RAP1A: variants seen among roughly 807,000 people sequenced by gnomAD.
RAP1A encodes ras-related protein Rap-1A.
RAP1A carries 6 observed loss-of-function variants against 26.4 expected under a neutral mutation model. The ratio of observed to expected loss-of-function variants is 0.23; its 90% confidence interval spans 0.12 to 0.45. The LOEUF is 0.45. Among genes scored for constraint, RAP1A ranks in the 20% least tolerant of loss-of-function variants. The pLI is 0.99. For missense variants in RAP1A, 121 were observed against 217.2 expected (o/e 0.56, Z 2.78); for synonymous variants, 73 against 79.4 (o/e 0.92, Z 0.43).
chr1:111,609,114 G>C (rs1263494846), intron 1 of RAP1A, among the ~76,000 whole-genome samples: 1 of 152,236 alleles, frequency 6.6e-6, no homozygotes, highest in African/African-American at 2.4e-5. Flanking sequence ...ACAGCTCAGA[G>C]GATGAACAGA....
In RAP1A at chr1:111,713,939, C is replaced by CT. The variant is rs935724504; in HGVS notation, c.*1539dup. The CT allele has an allele frequency of 3.3e-5, 5 of 152,130 alleles. No homozygotes were observed. The highest frequency in any genetic ancestry group is 7.2e-5 in the African/African-American group (3 of 41,434). 9.4% of individuals were successfully genotyped at this position (152,130 alleles called of 1,614,324 possible). A position where few individuals can be genotyped will look rare whatever the true frequency, so the allele number is the denominator to read the frequency against. ...AGGAGACAGACCAGTCCTAGAAAGT[C>CT]TAAGTCATTGCTCAGGGATCTCTAG... On this transcript the variant is annotated 3_prime_UTR_variant, in exon 8 of 8. Coordinates refer to ENST00000369709, the MANE Select transcript of RAP1A (RefSeq NM_002884.4).
At chr1:111,646,702 G>A (rs1377319213) in intron 1 of RAP1A, among the ~76,000 whole-genome samples, 2 of 151,894 alleles carry the variant, frequency 1.3e-5, no homozygotes, top group African/African-American at 2.4e-5. Flanking sequence ...CACCACACCC[G>A]GCTAATTTTT....
At chr1:111,697,353 A>G in intron 3 of RAP1A, 88 bp from the exon 4 acceptor site, 6 of 1,597,838 alleles carry the variant, frequency 3.8e-6, no homozygotes, top group Non-Finnish European at 4.3e-6. Flanking sequence ...GTATTTGTTA[A>G]TAGTTACTTT....
At chr1:111,687,734 C>T (rs571963369) in intron 1 of RAP1A, among the ~76,000 whole-genome samples, 1 of 152,076 alleles carries the variant, frequency 6.6e-6, no homozygotes, top group South Asian at 2.1e-4. Context: ...ACTTTTGTGG[C>T]TGGGTGTGCT....
intron 1 of RAP1A, among the ~76,000 whole-genome samples, chr1:111,638,869 T>C (rs1659805386): frequency 9.4e-6 from 1 of 106,416 alleles, no homozygotes; most frequent in Non-Finnish European, 2.2e-5. Context: ...GTTTTTATCT[T>C]TTTTTTTTTT....
chr1:111,628,637 T>A (rs1158693722), intron 1 of RAP1A, among the ~76,000 whole-genome samples: 1 of 152,114 alleles, frequency 6.6e-6, no homozygotes, highest in East Asian at 1.9e-4. Context: ...AGACAGGGAA[T>A]CTGGATTAAT....
intron 1 of RAP1A, among the ~76,000 whole-genome samples, chr1:111,573,490 A>G (rs746405588): frequency 4.6e-5 from 7 of 152,140 alleles, no homozygotes; most frequent in Non-Finnish European, 8.8e-5. Context: ...ATGCGCCACA[A>G]TGCCTGGCTA....
intron 1 of RAP1A, among the ~76,000 whole-genome samples, chr1:111,555,821 A>G (rs1419499450): frequency 6.6e-6 from 1 of 152,190 alleles, no homozygotes; most frequent in Non-Finnish European, 1.5e-5. Flanking sequence ...AGAAGAAAAC[A>G]TAAGGGGACA....
At chr1:111,649,361 G>A in intron 1 of RAP1A, 1 of 382,508 alleles carries the variant, frequency 2.6e-6, no homozygotes, top group Non-Finnish European at 5.1e-6. Context: ...ATTCCTGCCA[G>A]CCCCTCGGCC....
intron 4 of RAP1A, among the ~76,000 whole-genome samples, chr1:111,699,693 C>G (rs1197235844): frequency 6.6e-6 from 1 of 151,442 alleles, no homozygotes; most frequent in East Asian, 1.9e-4. Flanking sequence ...TGGTCTTGAA[C>G]TGGACTCAAG....
chr1:111,547,486 A>ACTAT (rs1657076860), intron 1 of RAP1A, among the ~76,000 whole-genome samples: 1 of 152,188 alleles, frequency 6.6e-6, no homozygotes, highest in Non-Finnish European at 1.5e-5. Context: ...ATGGAGTTAA[A>ACTAT]AAATATAAAA....
intron 1 of RAP1A, among the ~76,000 whole-genome samples, chr1:111,633,816 G>A (rs1199518871): frequency 6.6e-6 from 1 of 152,218 alleles, no homozygotes; most frequent in African/African-American, 2.4e-5. Context: ...ATGGGTTGGA[G>A]GGTTTTAGAT....
At chr1:111,637,940 C>A (rs1402208839) in intron 1 of RAP1A, among the ~76,000 whole-genome samples, 1 of 151,990 alleles carries the variant, frequency 6.6e-6, no homozygotes, top group Non-Finnish European at 1.5e-5. Context: ...TCATTCTGTA[C>A]ATTTTAATAT....
chr1:111,700,575 G>A (rs1375006249), intron 4 of RAP1A, among the ~76,000 whole-genome samples: 1 of 152,174 alleles, frequency 6.6e-6, no homozygotes, highest in Admixed American at 6.5e-5. Flanking sequence ...ATAAGGTTTG[G>A]AGGTGACAAA....
intron 1 of RAP1A, among the ~76,000 whole-genome samples, chr1:111,687,933 C>T (rs575694737): frequency 3.4e-5 from 5 of 145,070 alleles, no homozygotes; most frequent in Non-Finnish European, 6.0e-5. Flanking sequence ...GGGAGGATTG[C>T]GTGAGCCTAG....
intron 1 of RAP1A, among the ~76,000 whole-genome samples, chr1:111,644,608 A>G (rs1021367989): frequency 2.6e-5 from 4 of 152,210 alleles, no homozygotes; most frequent in Non-Finnish European, 4.4e-5. Context: ...TTACCAAAAG[A>G]AGGAGGAATA....
intron 1 of RAP1A, among the ~76,000 whole-genome samples, chr1:111,571,965 C>A (rs565615394): frequency 6.6e-6 from 1 of 152,338 alleles, no homozygotes; most frequent in African/African-American, 2.4e-5. Flanking sequence ...TTTATTGAAT[C>A]CTTGTGAGCT....
At chr1:111,624,427 G>A (rs1432684252) in intron 1 of RAP1A, among the ~76,000 whole-genome samples, 1 of 152,138 alleles carries the variant, frequency 6.6e-6, no homozygotes, top group Non-Finnish European at 1.5e-5. Flanking sequence ...TGAAACTTTT[G>A]TAATAGTGGT....
chr1:111,617,663 T>C (rs1226546789), upstream of RAP1A, among the ~76,000 whole-genome samples: 3 of 151,380 alleles, frequency 2.0e-5, no homozygotes, highest in African/African-American at 7.3e-5. Flanking sequence ...CTCGATCTCC[T>C]GACCTCGTGA....
Sources: gnomAD v4.1 joint callset for allele counts (sites outside exome capture counted in the v4.1 genomes callset) on GRCh38, gnomAD v4.1.1 for gene constraint, MANE v1.5 for transcripts, NCBI Gene and HGNC (gene_info 2026-07-23, HGNC 2026-07-21) for gene names.